The following DAPK2 variants were observed in gnomAD, a reference collection of about 807,000 sequenced individuals.
DAPK2 encodes death-associated protein kinase 2.
DAPK2 carries 35 observed loss-of-function variants against 44.1 expected under a neutral mutation model. The observed-to-expected ratio is 0.79, with a 90% CI of 0.61 to 1.05. DAPK2 has a LOEUF of 1.05. DAPK2 is among the 50% of genes least tolerant of loss of function. DAPK2 has a pLI of 0.00. For missense variants in DAPK2, 453 were observed against 483.2 expected, an observed-to-expected ratio of 0.94 and a Z score of 0.59; for synonymous variants, 174 against 182.6, an observed-to-expected ratio of 0.95 and a Z score of 0.38.
exon 3 of DAPK2, chr15:63,971,450 T>C: frequency 6.2e-7 from 1 of 1,614,236 alleles, no homozygotes; most frequent in South Asian, 1.1e-5. Flanking sequence ...CAATTTTCTT[T>C]GTGTGAAGGT....
At chr15:63,982,559 A>G (rs1270699100) in intron 2 of DAPK2, among the ~76,000 whole-genome samples, 1 of 152,230 alleles carries the variant, frequency 6.6e-6, no homozygotes, top group Non-Finnish European at 1.5e-5. Context: ...ACCCAACTCA[A>G]ACTCTATTGT....
At chr15:64,011,928 C>A (rs2079399466) in intron 1 of DAPK2, among the ~76,000 whole-genome samples, 1 of 152,144 alleles carries the variant, frequency 6.6e-6, no homozygotes, top group South Asian at 2.1e-4. Flanking sequence ...AGCAAAACCC[C>A]TCTTCTTGGG....
intron 1 of DAPK2, among the ~76,000 whole-genome samples, chr15:63,993,400 G>A (rs1259127413): frequency 6.6e-6 from 1 of 152,156 alleles, no homozygotes; most frequent in Non-Finnish European, 1.5e-5. Flanking sequence ...GTGTGTCTGT[G>A]TATGTGAATA....
At chr15:63,913,743 G>A (rs551358570) in intron 8 of DAPK2, among the ~76,000 whole-genome samples, 17 of 152,320 alleles carry the variant, frequency 1.1e-4, no homozygotes, top group African/African-American at 4.1e-4. Context: ...TCCCATGGCA[G>A]CCCCTGCTGC....
chr15:64,036,271 ATATGTGTG>A (rs111735702), intron 1 of DAPK2, among the ~76,000 whole-genome samples: 1,250 of 85,124 alleles, frequency 0.015, 91 homozygotes, highest in African/African-American at 0.029. Context: ...AAATATATAT[ATATGTGTG>A]TGTGTGTGTG....
chr15:63,962,949 G>A (rs2077953086), intron 3 of DAPK2, among the ~76,000 whole-genome samples: 2 of 152,246 alleles, frequency 1.3e-5, no homozygotes, highest in Admixed American at 6.5e-5. Context: ...GCCCCCAGAG[G>A]TGGAGTCTAC....
At chr15:63,949,805 A>C (rs1361551983) in intron 3 of DAPK2, among the ~76,000 whole-genome samples, 3 of 152,198 alleles carry the variant, frequency 2.0e-5, no homozygotes, top group South Asian at 4.1e-4. Flanking sequence ...CAAGTCACTC[A>C]TCTCTTTCAG....
At chr15:63,921,068 T>C (rs2079059429) in intron 8 of DAPK2, 1 of 152,284 alleles carries the variant, frequency 6.6e-6, no homozygotes, top group Non-Finnish European at 1.5e-5. Flanking sequence ...CTCTCTGTGA[T>C]TCTTGGTCAA....
chr15:63,914,415 C>T (rs375483050), intron 8 of DAPK2, among the ~76,000 whole-genome samples: 12 of 152,116 alleles, frequency 7.9e-5, no homozygotes, highest in South Asian at 2.1e-4. Flanking sequence ...ACAAGGCTGC[C>T]GGAGGAACCA....
chr15:64,016,170 C>G (rs332289), intron 1 of DAPK2, among the ~76,000 whole-genome samples: 94,279 of 152,070 alleles, frequency 0.62, 29,546 homozygotes, highest in East Asian at 0.79. Flanking sequence ...GGTACTGCCG[C>G]CACCAGCAGG....
At chr15:64,019,855 G>A (rs2079634284) in intron 1 of DAPK2, among the ~76,000 whole-genome samples, 2 of 152,156 alleles carry the variant, frequency 1.3e-5, no homozygotes, top group Admixed American at 6.5e-5. Context: ...ACACCTATGC[G>A]TTGTATAACT....
chr15:63,997,456 A>G (rs894512537), intron 1 of DAPK2, among the ~76,000 whole-genome samples: 3 of 152,114 alleles, frequency 2.0e-5, no homozygotes, highest in African/African-American at 7.2e-5. Flanking sequence ...TCAGCCTCCC[A>G]AGTAGCTGGG....
rs192412334 is a variant in DAPK2 at position 63,908,163 on chromosome 15, G to A, written c.*357C>T. The stretch of plus-strand genomic sequence containing the variant: ...GCCAGGCTGGTTCTGAACCCCCTCA[G>A]CCTGTGAAGAAGGCTGCCTTAGTCT... On this transcript the variant is annotated 3_prime_UTR_variant, in exon 11 of 11. Transcript: ENST00000261891. The surrounding 1 kb of genome is among the most constrained non-coding windows in gnomAD (Gnocchi z 5.7). 4.6e-4 allele frequency: 76 copies of A among 165,932 alleles called. 1 individual carries two copies. In the South Asian group the frequency reaches 0.014, roughly 30 times the overall value. The allele number at this position is 165,932 out of a possible 1,614,324, so 10.3% of individuals were successfully genotyped here.
rs760204494 is a variant in DAPK2 at position 63,971,403 on chromosome 15, C to T, written c.453+20G>A. 6.2e-7 allele frequency: 1 copy of T among 1,613,626 alleles called. No homozygotes were observed. The highest frequency in any genetic ancestry group is 8.5e-7 in the Non-Finnish European group (1 of 1,179,718). ...TCTTCTTCCTAAACTTGATTCTTTTCCCTTTCTCCCCTTACTGACCTTGAG... is the reference window on the plus strand; with the variant it reads ...TCTTCTTCCTAAACTTGATTCTTTTTCCTTTCTCCCCTTACTGACCTTGAG... On this transcript the variant is annotated intron_variant, in intron 3 of 10. Coordinates refer to ENST00000261891, the Ensembl canonical transcript of DAPK2.
At chr15:64,034,682 G>A (rs909276738) in intron 1 of DAPK2, among the ~76,000 whole-genome samples, 8 of 152,172 alleles carry the variant, frequency 5.3e-5, no homozygotes, top group African/African-American at 1.9e-4. Flanking sequence ...AAACCAGCAC[G>A]GTAGTCGGTA....
chr15:63,918,884 A>G (rs1296230935), intron 8 of DAPK2: 1 of 152,196 alleles, frequency 6.6e-6, no homozygotes, highest in African/African-American at 2.4e-5. Context: ...TGAATTAAAA[A>G]TCCTCAATGG....
chr15:63,930,409 C>T, exon 5 of DAPK2: 5 of 1,614,248 alleles, frequency 3.1e-6, no homozygotes, highest in Non-Finnish European at 4.2e-6. Flanking sequence ...CAACTTACCA[C>T]ATGTCAGCCT....
chr15:63,930,536 G>T, intron 4 of DAPK2, 81 bp from the exon 6 acceptor site: 2 of 1,318,102 alleles, frequency 1.5e-6, no homozygotes, highest in Non-Finnish European at 2.2e-6. Flanking sequence ...AGGGAATTTG[G>T]TGCCAAATAT....
intron 1 of DAPK2, among the ~76,000 whole-genome samples, chr15:64,010,904 C>G (rs1269766269): frequency 6.6e-6 from 1 of 152,174 alleles, no homozygotes; most frequent in Non-Finnish European, 1.5e-5. Context: ...AGAGGGTTCA[C>G]AGGGAAGCCG....
Sources: allele counts gnomAD v4.1 joint callset (sites outside exome capture counted in the v4.1 genomes callset), GRCh38; gene constraint gnomAD v4.1.1; non-coding constraint Gnocchi (gnomAD v3.1); transcripts MANE v1.5; gene names NCBI Gene and HGNC (gene_info 2026-07-23, HGNC 2026-07-21).